The following CASR variants were observed in gnomAD, a reference collection of about 807,000 sequenced individuals.
CASR encodes calcium sensing receptor, also known as extracellular calcium-sensing receptor.
Under a neutral mutation model 69.1 loss-of-function variants are expected in CASR, and 23 were observed. That is an observed-to-expected ratio of 0.33 (90% confidence interval 0.24 to 0.47). The LOEUF (loss-of-function observed/expected upper bound fraction) is 0.47. Ranked by LOEUF, CASR falls within the 20% of genes least tolerant of loss-of-function variation. The probability of loss-of-function intolerance (pLI) is 1.00; values close to 1 mark genes in which losing one functional copy is unlikely to be tolerated. For synonymous variants in CASR, 541 were observed against 544.7 expected, an observed-to-expected ratio of 0.99 and a Z score of 0.10; for missense variants, 924 against 1,356.1, an observed-to-expected ratio of 0.68 and a Z score of 5.00.
At chr3:122,202,390 C>T (rs1038989961) in intron 1 of CASR, among the ~76,000 whole-genome samples, 1 of 122,306 alleles carries the variant, frequency 8.2e-6, no homozygotes, top group African/African-American at 3.2e-5. Flanking sequence ...TTCGGCTCAG[C>T]ATCAGAGGGA....
chr3:122,185,417 G>A (rs138737611), intron 1 of CASR, among the ~76,000 whole-genome samples: 2 of 152,296 alleles, frequency 1.3e-5, no homozygotes, highest in Non-Finnish European at 1.5e-5. Flanking sequence ...TCAGGGTAGG[G>A]AGCCTACTAA....
In CASR at chr3:122,257,115, A is replaced by C. The variant is rs745377913; in HGVS notation, c.220A>C (p.Met74Leu). Residue 74 changes from methionine (M) to leucine (L), a missense_variant, in exon 3 of 7, where the codon ATG becomes CTG. Met to Leu is a conservative substitution (Grantham distance 15). Transcript: ENST00000639785. ...CCGTGGGTTTCGCTGGTTACAGGCT[A>C]TGATATTTGCCATAGAGGAGATAAA... ...NFRGFRWLQA[M>L]IFAIEEINSS... 10 of 1,613,974 alleles carry C rather than the reference A, an allele frequency of 6.2e-6. No individual in the cohort carries two copies. The highest frequency in any genetic ancestry group is 1.3e-5 in the African/African-American group (1 of 74,882).
chr3:122,266,215 C>A (rs115449976), intron 4 of CASR, among the ~76,000 whole-genome samples: 101 of 148,982 alleles, frequency 6.8e-4, no homozygotes, highest in Non-Finnish European at 1.3e-3. Context: ...AATGAGCAAC[C>A]GTTTGACTTT....
chr3:122,268,361 A>T (rs867314056), intron 4 of CASR, among the ~76,000 whole-genome samples: 1 of 152,230 alleles, frequency 6.6e-6, no homozygotes, highest in African/African-American at 2.4e-5. Context: ...CTAGTAAAAA[A>T]GCTACATCTG....
At chr3:122,263,535 C>A (rs1391430436) in intron 4 of CASR, among the ~76,000 whole-genome samples, 1 of 152,134 alleles carries the variant, frequency 6.6e-6, no homozygotes, top group Non-Finnish European at 1.5e-5. Flanking sequence ...AACTAGAACA[C>A]CTTTGTATAC....
chr3:122,209,962 T>C lies in CASR; in HGVS notation c.-243+26150T>C, dbSNP rs568033415. Among the ~76,000 whole-genome samples, 37 of 152,250 alleles carry C rather than the reference T, an allele frequency of 2.4e-4. No homozygotes were observed. In the South Asian group the frequency reaches 6.2e-3, roughly 26 times the overall value. On this transcript the variant is annotated intron_variant, in intron 1 of 6. Coordinates refer to ENST00000639785, the MANE Select transcript of CASR (RefSeq NM_000388.4). ...ACAAATAAATCAATGTAATTCATCA[T>C]ATAAACAGAACTAAAGACAAAAACC...
chr3:122,263,017 A>G (rs1448311354), intron 4 of CASR, among the ~76,000 whole-genome samples: 1 of 152,252 alleles, frequency 6.6e-6, no homozygotes, highest in African/African-American at 2.4e-5. Flanking sequence ...AGAACTTAAG[A>G]GGAGTTCCCA....
In CASR at chr3:122,262,273, A is replaced by G; in HGVS notation, c.1238A>G (p.His413Arg). Residue 413 changes from histidine to arginine, a missense_variant, in exon 4 of 7, where the codon CAT becomes CGT. His to Arg is a conservative substitution (Grantham distance 29). This residue lies in a region of CASR where 310 missense variants were observed against 395.7 expected (regional missense o/e 0.78). Coordinates refer to ENST00000639785, the MANE Select transcript of CASR (RefSeq NM_000388.4). ...GAGACCCCTTACATAGATTACACGC[A>G]TTTACGGATATCCTACAATGTGTAC... Reference protein sequence around the residue: ...SVETPYIDYTHLRISYNVYLA... With the variant: ...SVETPYIDYTRLRISYNVYLA... 6.2e-7 allele frequency: 1 copy of G among 1,614,182 alleles called. No individual in the cohort carries two copies. Among genetic ancestry groups the G allele is most frequent in the South Asian group, 1.1e-5 (1 of 91,090 alleles).
At chr3:122,213,128 T>C (rs1183179857) in intron 1 of CASR, among the ~76,000 whole-genome samples, 2 of 152,216 alleles carry the variant, frequency 1.3e-5, no homozygotes, top group Admixed American at 1.3e-4. Context: ...CAGGGCCAGA[T>C]GCCCTCTTGG....
intron 4 of CASR, among the ~76,000 whole-genome samples, chr3:122,270,137 T>A (rs2074742619): frequency 6.6e-6 from 1 of 152,150 alleles, no homozygotes; most frequent in African/African-American, 2.4e-5. Context: ...CCACTGTCCA[T>A]GGCCTGTGGG....
intron 2 of CASR, among the ~76,000 whole-genome samples, chr3:122,256,471 T>A (rs1318040412): frequency 7.4e-6 from 1 of 135,554 alleles, no homozygotes; most frequent in African/African-American, 2.5e-5. Context: ...CAAATAGCAA[T>A]CTTTTATTCT....
At position 122,204,035 on chromosome 3, in the gene CASR, A is replaced by G. The variant is rs534719313; in HGVS notation, c.-243+20223A>G. On this transcript the variant is annotated intron_variant, in intron 1 of 6. Transcript: ENST00000639785. Reference sequence around the variant, plus strand: ...AATTTAATACATTCATGTATCTTGTACAGATGAAATCAGTGTACTTGGGAT... The same window carrying G: ...AATTTAATACATTCATGTATCTTGTGCAGATGAAATCAGTGTACTTGGGAT... 2.0e-5 allele frequency among the ~76,000 whole-genome samples: 3 copies of G among 152,276 alleles called. No individual in the cohort carries two copies. In the South Asian group the frequency reaches 6.2e-4, roughly 32 times the overall value.
At chr3:122,188,970 G>A (rs1304516585) in intron 1 of CASR, among the ~76,000 whole-genome samples, 1 of 152,196 alleles carries the variant, frequency 6.6e-6, no homozygotes, top group African/African-American at 2.4e-5. Flanking sequence ...AAAAGCTGCC[G>A]AGAGCTTTAT....
intron 1 of CASR, among the ~76,000 whole-genome samples, chr3:122,226,184 C>T (rs1179042337): frequency 6.6e-6 from 1 of 152,100 alleles, no homozygotes; most frequent in Non-Finnish European, 1.5e-5. Context: ...TTAAAGCCGG[C>T]GTGTCTGGAG....
At chr3:122,231,953 G>A (rs1230590004) in intron 1 of CASR, among the ~76,000 whole-genome samples, 2 of 152,130 alleles carry the variant, frequency 1.3e-5, no homozygotes, top group Non-Finnish European at 2.9e-5. Flanking sequence ...AGGGCTCCTG[G>A]CTGTGCACTG....
In CASR at chr3:122,281,975, T is replaced by G. The variant is rs113610526; in HGVS notation, c.1609-138T>G. ...AACCAAGGACCTCTGGACCTCCCTT[T>G]GCCTGGAATGGGCCCAACGTCTGTC... On this transcript the variant is annotated intron_variant, in intron 5 of 6. Transcript: ENST00000639785. The G allele has an allele frequency of 2.7e-4, 334 of 1,218,168 alleles. 1 individual carries two copies. The African/African-American group carries it at 4.1e-3, about 15-fold the overall frequency. 75.5% of individuals were successfully genotyped at this position (1,218,168 alleles called of 1,614,324 possible). A position where few individuals can be genotyped will look rare whatever the true frequency, so the allele number is the denominator to read the frequency against.
intron 1 of CASR, among the ~76,000 whole-genome samples, chr3:122,231,933 AG>A (rs111247745): frequency 1.0e-3 from 153 of 152,296 alleles, no homozygotes; most frequent in African/African-American, 3.3e-3. Context: ...TCTGTGATTC[AG>A]GGGTGTGAAG....
chr3:122,282,312 G>T, intron 6 of CASR, 76 bp downstream of exon 6: 1 of 1,440,732 alleles, frequency 6.9e-7, no homozygotes, highest in Non-Finnish European at 9.8e-7. Flanking sequence ...GCCCATGGAA[G>T]GGCTGGGCTG....
intron 1 of CASR, among the ~76,000 whole-genome samples, chr3:122,227,414 G>A (rs1421836954): frequency 6.6e-6 from 1 of 152,236 alleles, no homozygotes; most frequent in African/African-American, 2.4e-5. Flanking sequence ...AGCAGCTGCT[G>A]GCCCAGGTGC....
Sources: allele counts gnomAD v4.1 joint callset (sites outside exome capture counted in the v4.1 genomes callset), GRCh38; gene constraint gnomAD v4.1.1; regional missense constraint gnomAD v4.1.1; transcripts MANE v1.5; gene names NCBI Gene and HGNC (gene_info 2026-07-23, HGNC 2026-07-21).